Variants in TAF1A observed in about 807,000 individuals in gnomAD.
The protein encoded by TAF1A is TATA-box binding protein associated factor, RNA polymerase I subunit A.
Under a neutral mutation model 61.6 loss-of-function variants are expected in TAF1A, and 42 were observed. That is an observed-to-expected ratio of 0.68 (90% CI 0.53 to 0.88). TAF1A has a LOEUF of 0.88. Among genes scored for constraint, TAF1A ranks in the 40% least tolerant of loss-of-function variants. TAF1A has a pLI of 0.00. For synonymous variants in TAF1A, 179 were observed against 177.7 expected (o/e 1.01, Z -0.06); for missense variants, 424 against 518.7 (o/e 0.82, Z 1.77).
chr1:222,560,863 C>A (rs565555958), intron 10 of TAF1A, among the ~76,000 whole-genome samples: 2 of 152,202 alleles, frequency 1.3e-5, no homozygotes, highest in African/African-American at 2.4e-5. Context: ...CAAAATATTT[C>A]TTTTCTTTGA....
intron 3 of TAF1A, among the ~76,000 whole-genome samples, chr1:222,580,773 A>C (rs1281160007): frequency 1.3e-5 from 1 of 78,410 alleles, no homozygotes; most frequent in Non-Finnish European, 3.1e-5. Flanking sequence ...GAAAAGCAGG[A>C]AAAAAAAAAA....
intron 7 of TAF1A, 119 bp from the exon 8 acceptor site, chr1:222,564,244 A>T: frequency 1.4e-5 from 5 of 348,702 alleles, no homozygotes; most frequent in East Asian, 5.8e-5. Context: ...TTTATTAAGT[A>T]TTTTAAAAAT....
At chr1:222,581,573 A>C (rs1385974809) in intron 3 of TAF1A, among the ~76,000 whole-genome samples, 6 of 152,254 alleles carry the variant, frequency 3.9e-5, no homozygotes, top group African/African-American at 1.4e-4. Flanking sequence ...AAATATAATT[A>C]AATTGTCAAC....
intron 5 of TAF1A, among the ~76,000 whole-genome samples, chr1:222,573,226 G>A (rs549575433): frequency 2.4e-4 from 37 of 152,244 alleles, no homozygotes; most frequent in African/African-American, 7.5e-4. Flanking sequence ...CTGAGATTGC[G>A]CCACTTGCAC....
chr1:222,589,356 C>G (rs3008649), intron 1 of TAF1A, among the ~76,000 whole-genome samples: 1 of 152,316 alleles, frequency 6.6e-6, no homozygotes, highest in Non-Finnish European at 1.5e-5. Context: ...CCTAGATTAC[C>G]GCATCAGCTT....
At position 222,589,744 on chromosome 1, in the gene TAF1A, T is replaced by TC. The variant is rs746011255; in HGVS notation, c.-21dup. 34 of 271,396 alleles carry TC rather than the reference T, an allele frequency of 1.3e-4. No homozygotes were observed. In the Middle Eastern group the frequency reaches 3.2e-3, roughly 26 times the overall value. 16.8% of individuals were successfully genotyped at this position (271,396 alleles called of 1,614,324 possible). A position where few individuals can be genotyped will look rare whatever the true frequency, so the allele number is the denominator to read the frequency against. ...GCACTTACCCGCCTAAATTTAGAGC[T>TC]CCTCAGTAAAGCTAAACTCAGTCTC... On this transcript the variant is annotated 5_prime_UTR_variant, in exon 1 of 11. Coordinates refer to ENST00000352967, the MANE Select transcript of TAF1A (RefSeq NM_005681.4).
chr1:222,560,576 T>G lies in TAF1A; in HGVS notation c.1240+788A>C, dbSNP rs76208626. Among the ~76,000 whole-genome samples the G allele has an allele frequency of 2.8e-3, 424 of 152,328 alleles. 14 individuals are homozygous for G. In the East Asian group the frequency reaches 0.066, roughly 24 times the overall value. On this transcript the variant is annotated intron_variant, in intron 10 of 10. Transcript: ENST00000352967. ...ATGACAATCCAAATCACCTTTCTGT[T>G]CCTTGTCATCAGTGTATTGATTTTT... is the stretch of plus-strand genomic sequence containing the variant.
intron 5 of TAF1A, among the ~76,000 whole-genome samples, chr1:222,576,509 T>C (rs1660577615): frequency 6.6e-6 from 1 of 152,148 alleles, no homozygotes; most frequent in Admixed American, 6.5e-5. Context: ...GGAGAAACTA[T>C]ACAAGGCAAG....
chr1:222,561,494 T>G lies in TAF1A; in HGVS notation c.1110A>C (p.Glu370Asp), dbSNP rs947016565. The change falls in exon 10 of 11, where the codon GAA becomes GAC. Residue 370 changes from glutamate to aspartate, a missense_variant. Transcript: ENST00000352967. Reference protein sequence around the residue: ...LMGNHLAWVQEEWNSRKNWWP... With the variant: ...LMGNHLAWVQDEWNSRKNWWP... The stretch of plus-strand genomic sequence containing the variant: ...ACCAGTTTTTCCTGGAGTTCCACTC[T>G]TCTTGAACCCACGCAAGGTGGTTTC... The G allele has an allele frequency of 3.7e-6, 6 of 1,608,986 alleles. No individual in the cohort carries two copies. Among genetic ancestry groups the G allele is most frequent in the Non-Finnish European group, 5.1e-6 (6 of 1,178,118 alleles).
rs142541606 is a variant in TAF1A, at chr1:222,579,285, A to G, written c.405+474T>C. On this transcript the variant is annotated intron_variant, in intron 4 of 10. Coordinates refer to ENST00000352967, the MANE Select transcript of TAF1A (RefSeq NM_005681.4). ...ACAAAAACATAGAGAGGGAGATACA[A>G]TATTTTGAAAATGTCTCAATCTTTT... 2.6e-3 allele frequency among the ~76,000 whole-genome samples: 401 copies of G among 152,354 alleles called. 1 individual carries two copies. The highest frequency in any genetic ancestry group is 9.2e-3 in the African/African-American group (384 of 41,568).
chr1:222,567,506 C>T (rs1448033337), intron 7 of TAF1A, among the ~76,000 whole-genome samples: 1 of 152,078 alleles, frequency 6.6e-6, no homozygotes, highest in African/African-American at 2.4e-5. Flanking sequence ...ATATTATATA[C>T]AACAACCCCA....
intron 7 of TAF1A, among the ~76,000 whole-genome samples, chr1:222,568,099 C>T (rs765611642): frequency 1.3e-5 from 2 of 151,258 alleles, no homozygotes; most frequent in Non-Finnish European, 2.9e-5. Flanking sequence ...AAAAATGAAC[C>T]TTGACCTTTG....
chr1:222,557,741 T>A (rs1659755096), downstream of TAF1A, among the ~76,000 whole-genome samples: 1 of 151,948 alleles, frequency 6.6e-6, no homozygotes, highest in Non-Finnish European at 1.5e-5. Context: ...CCCTTTAAAG[T>A]TAGGCCAGTG....
intron 5 of TAF1A, 132 bp from the exon 6 acceptor site, chr1:222,570,797 T>A: frequency 1.3e-6 from 1 of 791,568 alleles, no homozygotes; most frequent in Non-Finnish European, 1.9e-6. Context: ...AACAAATATT[T>A]AAAGGAAAAT....
chr1:222,578,224 T>A (rs937178380), intron 4 of TAF1A, among the ~76,000 whole-genome samples: 1 of 152,114 alleles, frequency 6.6e-6, no homozygotes, highest in African/African-American at 2.4e-5. Flanking sequence ...ATACAAAGAA[T>A]GAGTATTACA....
At chr1:222,558,076 G>A (rs1400657865), downstream of TAF1A, 4 of 151,774 alleles carry the variant, frequency 2.6e-5, no homozygotes, top group East Asian at 1.9e-4. Context: ...TAGAGACAGG[G>A]TTTCACTGTG....
At chr1:222,582,861 A>T (rs1458263419) in intron 3 of TAF1A, among the ~76,000 whole-genome samples, 1 of 152,234 alleles carries the variant, frequency 6.6e-6, no homozygotes, top group Non-Finnish European at 1.5e-5. Context: ...ATATTGTACA[A>T]AACCACTTAT....
intron 10 of TAF1A, among the ~76,000 whole-genome samples, chr1:222,560,271 T>A (rs1659861335): frequency 6.6e-6 from 1 of 152,190 alleles, no homozygotes; most frequent in South Asian, 2.1e-4. Flanking sequence ...ACTAACAGCC[T>A]GAGAGGAGAT....
At chr1:222,568,201 CTCT>C (rs1660196024) in intron 7 of TAF1A, among the ~76,000 whole-genome samples, 12 of 144,652 alleles carry the variant, frequency 8.3e-5, no homozygotes, top group African/African-American at 1.8e-4. Context: ...AAAAAAAGAA[CTCT>C]TCATTATCTT....
Sources: allele counts gnomAD v4.1 joint callset (sites outside exome capture counted in the v4.1 genomes callset), GRCh38; gene constraint gnomAD v4.1.1; transcripts MANE v1.5; gene names NCBI Gene and HGNC (gene_info 2026-07-23, HGNC 2026-07-21).